The following CHST1 variants were observed in gnomAD, a reference collection of about 807,000 sequenced individuals.
CHST1 encodes Keratan sulfotransferase.
In CHST1, 10 loss-of-function variants were observed where a neutral mutation model predicts 22.5. That is an observed-to-expected ratio of 0.44 (90% CI 0.27 to 0.75). The LOEUF is 0.75. Ranked by LOEUF, CHST1 falls within the 30% of genes least tolerant of loss-of-function variation. The pLI is 0.15. For missense variants in CHST1, 439 were observed against 576.1 expected, an observed-to-expected ratio of 0.76 and a Z score of 2.44; for synonymous variants, 267 against 264.5, an observed-to-expected ratio of 1.01 and a Z score of -0.09.
intron 1 of CHST1, among the ~76,000 whole-genome samples, chr11:45,663,742 G>A (rs759341169): frequency 3.9e-5 from 6 of 152,098 alleles, no homozygotes; most frequent in African/African-American, 9.7e-5. Flanking sequence ...CTGGCAACAG[G>A]AAAATCAAAG....
chr11:45,665,013 G>C lies in CHST1; in HGVS notation c.-227+165C>G, dbSNP rs890868702. 2.0e-5 allele frequency among the ~76,000 whole-genome samples: 3 copies of C among 151,964 alleles called. No individual in the cohort carries two copies. The highest frequency in any genetic ancestry group is 2.9e-5 in the Non-Finnish European group (2 of 67,942). On this transcript the variant is annotated intron_variant, in intron 1 of 3. Coordinates refer to ENST00000308064, the MANE Select transcript of CHST1 (RefSeq NM_003654.6). The surrounding 1 kb of genome is among the most constrained non-coding windows in gnomAD (Gnocchi z 4.0). Reference sequence around the variant, plus strand: ...ACCAGCCCCGGCAGCCCCTTCCTGCGCCCAACACGCCGCCGTTCCTCGCCG... The same window carrying C: ...ACCAGCCCCGGCAGCCCCTTCCTGCCCCCAACACGCCGCCGTTCCTCGCCG...
intron 1 of CHST1, among the ~76,000 whole-genome samples, chr11:45,653,283 A>G (rs1271914324): frequency 6.6e-6 from 1 of 152,180 alleles, no homozygotes; most frequent in Non-Finnish European, 1.5e-5. Context: ...CAGATGGAGA[A>G]ATCAAGTCGT....
intron 1 of CHST1, among the ~76,000 whole-genome samples, chr11:45,664,356 C>T (rs36106594): frequency 0.46 from 69,558 of 152,116 alleles, 17,748 homozygotes; most frequent in African/African-American, 0.69. Flanking sequence ...TTAAGTCCAC[C>T]AAGAGGAAGC....
Position 45,650,582 on chromosome 11 carries a change from C to T in CHST1, c.342G>A (p.Arg114=), listed in dbSNP as rs1172636350. 2 of 1,613,852 alleles carry T rather than the reference C, an allele frequency of 1.2e-6. No individual in the cohort carries two copies. Among genetic ancestry groups the T allele is most frequent in the Non-Finnish European group, 1.7e-6 (2 of 1,179,992 alleles). The change falls in exon 4 of 4, where the codon CGG becomes CGA. Residue 114 remains arginine, a synonymous_variant. Transcript: ENST00000308064. ...FTQGKSPADR[R]VMLGASRDLL... is the part of the protein sequence containing the mutation. The stretch of plus-strand genomic sequence containing the variant: ...GGTCGCGGCTGGCGCCTAGCATGAC[C>T]CGCCGGTCGGCCGGGCTCTTGCCCT...
In CHST1 at chr11:45,649,460, G is replaced by A. The variant is rs537292170; in HGVS notation, c.*228C>T. 1.9e-6 allele frequency: 1 copy of A among 537,772 alleles called. No individual in the cohort carries two copies. Among genetic ancestry groups the A allele is most frequent in the Non-Finnish European group, 3.3e-6 (1 of 306,528 alleles). 33.3% of individuals were successfully genotyped at this position (537,772 alleles called of 1,614,324 possible). A position where few individuals can be genotyped will look rare whatever the true frequency, so the allele number is the denominator to read the frequency against. ...ATCCATGTGTCTGAATGGGGGGGGG[G>A]GGGGCGGGACCCTACTTCAGGCGCC... On this transcript the variant is annotated 3_prime_UTR_variant, in exon 4 of 4. Transcript: ENST00000308064.
intron 1 of CHST1, among the ~76,000 whole-genome samples, chr11:45,662,577 T>C (rs1220418026): frequency 6.6e-6 from 1 of 152,236 alleles, no homozygotes; most frequent in Non-Finnish European, 1.5e-5. Flanking sequence ...GTGAGCATGC[T>C]TGGGGAGTTT....
At chr11:45,655,337 G>A (rs1247550023) in intron 1 of CHST1, among the ~76,000 whole-genome samples, 2 of 152,158 alleles carry the variant, frequency 1.3e-5, no homozygotes, top group Admixed American at 1.3e-4. Context: ...CAGCCCACGG[G>A]GTCTGGCTCT....
chr11:45,655,183 T>C (rs965593715), intron 1 of CHST1, among the ~76,000 whole-genome samples: 2 of 152,210 alleles, frequency 1.3e-5, no homozygotes, highest in African/African-American at 4.8e-5. Context: ...TGGGGATAAT[T>C]ATAACAAGGC....
rs376717481 is a variant in CHST1, at chr11:45,657,762, T to C, written c.-226-5156A>G. ...CCCAAGGGACCCCTTCTCTTTGGGG[T>C]CATGCCCACCTCAACTTGAAACACT... On this transcript the variant is annotated intron_variant, in intron 1 of 3. Transcript: ENST00000308064. Among the ~76,000 whole-genome samples, 10 of 152,246 alleles carry C rather than the reference T, an allele frequency of 6.6e-5. No individual in the cohort carries two copies. In the East Asian group the frequency reaches 1.4e-3, roughly 21 times the overall value.
chr11:45,661,667 G>C, intron 1 of CHST1, among the ~76,000 whole-genome samples: 2 of 152,346 alleles, frequency 1.3e-5, no homozygotes, highest in Admixed American at 1.3e-4. Flanking sequence ...GAGAAGGGTC[G>C]GCAGCTAAAG....
In CHST1 at chr11:45,649,648, C is replaced by T; in HGVS notation, c.*40G>A. On this transcript the variant is annotated 3_prime_UTR_variant, in exon 4 of 4. Coordinates refer to ENST00000308064, the MANE Select transcript of CHST1 (RefSeq NM_003654.6). ...TAAAAACGGTCCATTTTATCAAAACCGACACCTTGCGCCTCCCGCCCCCAC... is the reference window on the plus strand; with the variant it reads ...TAAAAACGGTCCATTTTATCAAAACTGACACCTTGCGCCTCCCGCCCCCAC... 2 of 1,506,336 alleles carry T rather than the reference C, an allele frequency of 1.3e-6. No homozygotes were observed. Among genetic ancestry groups the T allele is most frequent in the South Asian group, 1.3e-5 (1 of 75,904 alleles). The allele number at this position is 1,506,336 out of a possible 1,614,324, so 93.3% of individuals were successfully genotyped here. A position where few individuals can be genotyped will look rare whatever the true frequency, so the allele number is the denominator to read the frequency against.
Position 45,647,717 on chromosome 11 carries a change from T to C in CHST1, c.*1971A>G, listed in dbSNP as rs1590684777. Among the ~76,000 whole-genome samples the C allele has an allele frequency of 1.3e-5, 2 of 152,258 alleles. No individual in the cohort carries two copies. Among genetic ancestry groups the C allele is most frequent in the African/African-American group, 4.8e-5 (2 of 41,466 alleles). On this transcript the variant is annotated 3_prime_UTR_variant, in exon 4 of 4. Transcript: ENST00000308064. The stretch of plus-strand genomic sequence containing the variant: ...TGGCACACGTTGTGAATGTATTTAA[T>C]GAATGGTACACCTTAAAAAGGTTAA...
At position 45,649,731 on chromosome 11, in the gene CHST1, G is replaced by T; in HGVS notation, c.1193C>A (p.Ser398Ter). Residue 398 changes from serine to a stop codon, truncating the protein, a stop_gained, in exon 4 of 4, where the codon TCG (serine) becomes TAG (stop). Coordinates refer to ENST00000308064, the MANE Select transcript of CHST1 (RefSeq NM_003654.6). LOFTEE classifies it high-confidence loss of function. ...GTCCCGCTCCTCCACCAGGCTGACC[G>T]AGGGGTTCTTCAGCTCCTCCTCCGA... ...AASEEELKNP[S>*]VSLVEERDFR... is the part of the protein sequence containing the mutation. The T allele has an allele frequency of 1.2e-6, 2 of 1,604,056 alleles. No homozygotes were observed. Among genetic ancestry groups the T allele is most frequent in the Non-Finnish European group, 1.7e-6 (2 of 1,176,468 alleles).
Position 45,650,193 on chromosome 11 carries a change from C to T in CHST1, c.731G>A (p.Ser244Asn), listed in dbSNP as rs769686602. 1.2e-6 allele frequency: 2 copies of T among 1,612,020 alleles called. No homozygotes were observed. Among genetic ancestry groups the T allele is most frequent in the Non-Finnish European group, 1.7e-6 (2 of 1,180,000 alleles). The stretch of plus-strand genomic sequence containing the variant: ...CCGGTACGTGTCGCGGAAGGTCTCG[C>T]TGCGCGAAGCCAGAATGCCGCGGGG... The part of the protein sequence containing the change: ...RDPRGILASR[S>N]ETFRDTYRLW... The change falls in exon 4 of 4, where the codon AGC (serine) becomes AAC (asparagine). Residue 244 changes from serine (S) to asparagine (N), a missense_variant. Transcript: ENST00000308064.
In CHST1 at chr11:45,650,737, T is replaced by A. The variant is rs887989107; in HGVS notation, c.187A>T (p.Ile63Phe). The part of the protein sequence containing the change: ...FAYNLSRKTH[I>F]LILATTRSGS... Reference sequence around the variant, plus strand: ...CTGCGCGTGGTGGCCAGGATGAGGATGTGGGTCTTGCGGGAGAGGTTGTAG... The same window carrying A: ...CTGCGCGTGGTGGCCAGGATGAGGAAGTGGGTCTTGCGGGAGAGGTTGTAG... Residue 63 changes from isoleucine (I) to phenylalanine (F), a missense_variant, in exon 4 of 4, where the codon ATC (isoleucine) becomes TTC (phenylalanine). Coordinates refer to ENST00000308064, the MANE Select transcript of CHST1 (RefSeq NM_003654.6). The A allele has an allele frequency of 1.2e-6, 2 of 1,613,892 alleles. No individual in the cohort carries two copies. Among genetic ancestry groups the A allele is most frequent in the African/African-American group, 2.7e-5 (2 of 74,872 alleles).
chr11:45,658,674 G>A (rs551426788), intron 1 of CHST1, among the ~76,000 whole-genome samples: 2 of 152,268 alleles, frequency 1.3e-5, no homozygotes, highest in African/African-American at 2.4e-5. Flanking sequence ...AGCTCCTCTG[G>A]GGGAGGGATG....
In CHST1 at chr11:45,648,302, T is replaced by C. The variant is rs1452929540; in HGVS notation, c.*1386A>G. Among the ~76,000 whole-genome samples the C allele has an allele frequency of 1.3e-5, 2 of 151,942 alleles. No homozygotes were observed. The highest frequency in any genetic ancestry group is 6.6e-5 in the Admixed American group (1 of 15,260). ...CCAGGATGTCATTCTTACCTCCAGC[T>C]ACTCTGATTCAGCAAGCCATACCAC... On this transcript the variant is annotated 3_prime_UTR_variant, in exon 4 of 4. Coordinates refer to ENST00000308064, the MANE Select transcript of CHST1 (RefSeq NM_003654.6).
In CHST1 at chr11:45,650,465, G is replaced by T; in HGVS notation, c.459C>A (p.Arg153=). The stretch of plus-strand genomic sequence containing the variant: ...AGCAGAGGACCCGGCTGGCCCCGCG[G>T]CGGAAGATCCTGTCGGTGGTGTGGT... ...PVNHTTDRIF[R]RGASRVLCSR... is the part of the protein sequence containing the mutation. Residue 153 remains arginine, a synonymous_variant, in exon 4 of 4, where the codon CGC becomes CGA. Coordinates refer to ENST00000308064, the MANE Select transcript of CHST1 (RefSeq NM_003654.6). The T allele has an allele frequency of 6.2e-7, 1 of 1,612,730 alleles. No homozygotes were observed. The highest frequency in any genetic ancestry group is 8.5e-7 in the Non-Finnish European group (1 of 1,179,924).
chr11:45,659,561 G>C (rs1277371185), intron 1 of CHST1, among the ~76,000 whole-genome samples: 1 of 152,132 alleles, frequency 6.6e-6, no homozygotes, highest in Non-Finnish European at 1.5e-5. Flanking sequence ...CATACCAATA[G>C]GTGTGTGCCA....
Sources: allele counts gnomAD v4.1 joint callset (sites outside exome capture counted in the v4.1 genomes callset), GRCh38; gene constraint gnomAD v4.1.1; non-coding constraint Gnocchi (gnomAD v3.1); transcripts MANE v1.5; gene names NCBI Gene and HGNC (gene_info 2026-07-23, HGNC 2026-07-21).